The following FGF5 variants were observed in gnomAD, a reference collection of about 807,000 sequenced individuals.
FGF5 encodes fibroblast growth factor 5.
In FGF5, 23 loss-of-function variants were observed where a neutral mutation model predicts 21.8. The observed-to-expected ratio is 1.05, with a 90% CI of 0.76 to 1.49. The LOEUF is 1.49. Among genes scored for constraint, FGF5 ranks in the 40% most tolerant of loss-of-function variants. FGF5 has a pLI of 0.00. For synonymous variants in FGF5, 158 were observed against 124.0 expected (o/e 1.27, Z -1.82); for missense variants, 352 against 332.9 (o/e 1.06, Z -0.45).
chr4:80,290,284 T>C lies in FGF5; in HGVS notation c.*3612T>C, dbSNP rs1269322330. ...ATAATTTAAAATCCATTTTAGGTGA[T>C]AAAATTTTTTAAAAGTTTTGAAGGA... is the stretch of plus-strand genomic sequence containing the variant. On this transcript the variant is annotated 3_prime_UTR_variant, in exon 3 of 3. Coordinates refer to ENST00000312465, the MANE Select transcript of FGF5 (RefSeq NM_004464.4). The C allele has an allele frequency of 6.6e-6, 1 of 152,212 alleles. No individual in the cohort carries two copies. Among genetic ancestry groups the C allele is most frequent in the Non-Finnish European group, 1.5e-5 (1 of 68,028 alleles). 9.4% of individuals were successfully genotyped at this position (152,212 alleles called of 1,614,324 possible). A position where few individuals can be genotyped will look rare whatever the true frequency, so the allele number is the denominator to read the frequency against.
rs571582992 is a variant in FGF5, at chr4:80,288,610, T to G, written c.*1938T>G. 1.1e-3 allele frequency: 173 copies of G among 152,496 alleles called. No individual in the cohort carries two copies. The highest frequency in any genetic ancestry group is 3.9e-3 in the African/African-American group (163 of 41,590). The allele number at this position is 152,496 out of a possible 1,614,324, so 9.4% of individuals were successfully genotyped here. A position where few individuals can be genotyped will look rare whatever the true frequency, so the allele number is the denominator to read the frequency against. ...TAAAGCTAAAAATATTACTCTAGTT[T>G]ATTCTAATCTATTGTTAAGTATTGT... On this transcript the variant is annotated 3_prime_UTR_variant, in exon 3 of 3. Coordinates refer to ENST00000312465, the MANE Select transcript of FGF5 (RefSeq NM_004464.4).
intron 2 of FGF5, among the ~76,000 whole-genome samples, chr4:80,279,727 T>C (rs1720504594): frequency 6.6e-6 from 1 of 152,232 alleles, no homozygotes; most frequent in Non-Finnish European, 1.5e-5. Context: ...TCTTCAGTCT[T>C]TTCATAAAGT....
intron 2 of FGF5, among the ~76,000 whole-genome samples, chr4:80,281,189 G>T (rs2109926641): frequency 6.6e-6 from 1 of 152,060 alleles, no homozygotes; most frequent in South Asian, 2.1e-4. Flanking sequence ...TAGCCCTCTG[G>T]GTGCTTGCTA....
intron 2 of FGF5, among the ~76,000 whole-genome samples, chr4:80,276,747 C>G (rs750085281): frequency 1.4e-5 from 2 of 141,608 alleles, no homozygotes; most frequent in Non-Finnish European, 3.0e-5. Flanking sequence ...TGAGTTCTCA[C>G]GAGGGCTGGA....
intron 2 of FGF5, among the ~76,000 whole-genome samples, chr4:80,283,537 C>A (rs890065820): frequency 6.6e-6 from 1 of 152,064 alleles, no homozygotes; most frequent in Non-Finnish European, 1.5e-5. Flanking sequence ...TCTGCACATG[C>A]ACCTGTGCAT....
intron 1 of FGF5, among the ~76,000 whole-genome samples, chr4:80,268,731 G>A (rs915586046): frequency 6.6e-5 from 10 of 152,236 alleles, no homozygotes; most frequent in African/African-American, 2.4e-4. Context: ...CACGTGGTGA[G>A]GGCGCCTGGA....
chr4:80,274,905 C>T lies in FGF5; in HGVS notation c.356-4C>T, dbSNP rs752366247. On this transcript the variant is annotated splice_polypyrimidine_tract_variant and splice_region_variant and intron_variant, in intron 1 of 2. Transcript: ENST00000312465. ...GTTTTATTTTGGGATTTCTGTCATC[C>T]TAGGTGTTTTGGAAATATTTGCTGT... 1 of 1,389,168 alleles carries T rather than the reference C, an allele frequency of 7.2e-7. No individual in the cohort carries two copies. The highest frequency in any genetic ancestry group is 1.0e-6 in the Non-Finnish European group (1 of 982,468). 86.1% of individuals were successfully genotyped at this position (1,389,168 alleles called of 1,614,324 possible). A position where few individuals can be genotyped will look rare whatever the true frequency, so the allele number is the denominator to read the frequency against.
At chr4:80,275,638 T>C (rs1004318667) in intron 2 of FGF5, among the ~76,000 whole-genome samples, 4 of 152,086 alleles carry the variant, frequency 2.6e-5, no homozygotes, top group African/African-American at 9.7e-5. Context: ...GTTTTATATA[T>C]TGTAATCAAT....
chr4:80,266,974 C>A lies in FGF5; in HGVS notation c.150C>A (p.Ser50Arg). The A allele has an allele frequency of 6.2e-7, 1 of 1,614,210 alleles. No individual in the cohort carries two copies. The highest frequency in any genetic ancestry group is 8.5e-7 in the Non-Finnish European group (1 of 1,180,032). The part of the protein sequence containing the change: ...NPRGSSSRQS[S>R]SSAMSSSSAS... ...GAGGCTCCAGCAGCAGACAGAGCAG[C>A]AGTAGCGCTATGTCTTCCTCTTCTG... Residue 50 changes from serine (S) to arginine (R), a missense_variant, in exon 1 of 3, where the codon AGC becomes AGA. Ser to Arg is a moderately radical substitution (Grantham distance 110, BLOSUM62 -1). Transcript: ENST00000312465.
intron 1 of FGF5, among the ~76,000 whole-genome samples, chr4:80,272,501 CTA>C (rs1720297289): frequency 6.6e-6 from 1 of 151,986 alleles, no homozygotes; most frequent in Non-Finnish European, 1.5e-5. Context: ...TTATCAGAAA[CTA>C]TTTATTTAAG....
At chr4:80,274,787 A>G in intron 1 of FGF5, 122 bp from the exon 2 acceptor site, 3 of 583,786 alleles carry the variant, frequency 5.1e-6, no homozygotes, top group Non-Finnish European at 9.1e-6. Context: ...AGGATGTTAA[A>G]TACTAAGTTC....
rs35643937 is a variant in FGF5 at position 80,270,657 on chromosome 4, C to T, written c.355+3478C>T. 5.5e-3 allele frequency among the ~76,000 whole-genome samples: 830 copies of T among 152,262 alleles called. 4 individuals carry two copies. Among genetic ancestry groups the T allele is most frequent in the African/African-American group, 0.017 (704 of 41,556 alleles). On this transcript the variant is annotated intron_variant, in intron 1 of 2. Coordinates refer to ENST00000312465, the MANE Select transcript of FGF5 (RefSeq NM_004464.4). ...AACAAATGGTTTGGTTTAATTTATA[C>T]GCCTTCAAGTTTAATGTCAATACAG... is the stretch of plus-strand genomic sequence containing the variant.
At chr4:80,284,162 C>T (rs904525419) in intron 2 of FGF5, among the ~76,000 whole-genome samples, 4 of 152,106 alleles carry the variant, frequency 2.6e-5, no homozygotes, top group Non-Finnish European at 5.9e-5. Context: ...CGGCCGGGTG[C>T]GGTGGCTCAC....
chr4:80,266,589 G>A, upstream of FGF5: 1 of 481,988 alleles, frequency 2.1e-6, no homozygotes, highest in South Asian at 4.1e-5. Flanking sequence ...CGCGGGTGAG[G>A]GGAAGCTTCG....
intron 2 of FGF5, among the ~76,000 whole-genome samples, chr4:80,280,858 G>A (rs191923189): frequency 2.2e-4 from 33 of 152,174 alleles, no homozygotes; most frequent in Non-Finnish European, 4.3e-4. Flanking sequence ...CAAGTCCAGG[G>A]TCTCACCTCA....
chr4:80,273,854 C>T (rs955171119), intron 1 of FGF5, among the ~76,000 whole-genome samples: 1 of 151,906 alleles, frequency 6.6e-6, no homozygotes, highest in African/African-American at 2.4e-5. Context: ...TTCCCTTTTT[C>T]CTTTCTAAGA....
chr4:80,280,004 C>T (rs535405091), intron 2 of FGF5, among the ~76,000 whole-genome samples: 2 of 152,322 alleles, frequency 1.3e-5, no homozygotes, highest in South Asian at 4.1e-4. Flanking sequence ...TCCTGCGCTG[C>T]AGGCAGAGTG....
chr4:80,274,810 AC>A, intron 1 of FGF5, 98 bp from the exon 2 acceptor site: 1 of 625,724 alleles, frequency 1.6e-6, no homozygotes, highest in Non-Finnish European at 2.8e-6. Context: ...TTTTAAAATC[AC>A]AATAATAAAG....
rs1014146456 is a variant in FGF5, at chr4:80,288,530, T to A, written c.*1858T>A. 6.6e-6 allele frequency: 1 copy of A among 152,148 alleles called. No individual in the cohort carries two copies. Among genetic ancestry groups the A allele is most frequent in the African/African-American group, 2.4e-5 (1 of 41,442 alleles). The allele number at this position is 152,148 out of a possible 1,614,324, so 9.4% of individuals were successfully genotyped here. ...TTCTGGGTTAAATGAAACAATGAAA[T>A]TTTTTAGTATGTTCAACTCTCATCC... On this transcript the variant is annotated 3_prime_UTR_variant, in exon 3 of 3. Transcript: ENST00000312465.
Sources: allele counts gnomAD v4.1 joint callset (sites outside exome capture counted in the v4.1 genomes callset), GRCh38; gene constraint gnomAD v4.1.1; transcripts MANE v1.5; gene names NCBI Gene and HGNC (gene_info 2026-07-23, HGNC 2026-07-21).